Variants in CPE observed in about 807,000 individuals in gnomAD.
CPE encodes carbocypeptidase E.
CPE carries 17 observed loss-of-function variants against 53.5 expected under a neutral mutation model. The ratio of observed to expected loss-of-function variants is 0.32; its 90% CI spans 0.22 to 0.48. The LOEUF is 0.48. CPE is among the 20% of genes least tolerant of loss of function. CPE has a pLI of 0.99. For synonymous variants in CPE, 226 were observed against 228.8 expected, an observed-to-expected ratio of 0.99 and a Z score of 0.11; for missense variants, 524 against 614.7, an observed-to-expected ratio of 0.85 and a Z score of 1.56.
rs73003623 is a variant in CPE at position 165,396,750 on chromosome 4, C to G, written c.307+17222C>G. Among the ~76,000 whole-genome samples, 584 of 151,724 alleles carry G rather than the reference C, an allele frequency of 3.8e-3. 2 individuals carry two copies. Among genetic ancestry groups the G allele is most frequent in the African/African-American group, 0.013 (558 of 41,348 alleles). On this transcript the variant is annotated intron_variant, in intron 1 of 8. Transcript: ENST00000402744. ...TAATATTTAAGGTTAGAGAAGAAGGCTGAGTGTGGTGGCTCACTCCTGTAA... is the reference window on the plus strand; with the variant it reads ...TAATATTTAAGGTTAGAGAAGAAGGGTGAGTGTGGTGGCTCACTCCTGTAA...
At chr4:165,419,443 G>A (rs1488655257) in intron 1 of CPE, among the ~76,000 whole-genome samples, 2 of 152,078 alleles carry the variant, frequency 1.3e-5, no homozygotes, top group African/African-American at 4.8e-5. Flanking sequence ...TCATGTATCG[G>A]TGTATTTTTT....
At chr4:165,429,747 A>G (rs1731378618) in intron 1 of CPE, among the ~76,000 whole-genome samples, 1 of 152,076 alleles carries the variant, frequency 6.6e-6, no homozygotes, top group Non-Finnish European at 1.5e-5. Flanking sequence ...CAAACACTTC[A>G]AGTTTATAGG....
intron 1 of CPE, among the ~76,000 whole-genome samples, chr4:165,390,905 T>C (rs190335170): frequency 5.9e-5 from 9 of 152,312 alleles, no homozygotes; most frequent in Admixed American, 5.9e-4. Flanking sequence ...AACTATGTGA[T>C]ATTTTTAATA....
chr4:165,454,777 G>GAACTATCAA, intron 1 of CPE, among the ~76,000 whole-genome samples: 1 of 152,280 alleles, frequency 6.6e-6, no homozygotes, highest in East Asian at 1.9e-4. Flanking sequence ...TTGTTCCAGA[G>GAACTATCAA]AACTATCAAA....
At chr4:165,385,654 TC>T (rs1730579938) in intron 1 of CPE, among the ~76,000 whole-genome samples, 2 of 152,054 alleles carry the variant, frequency 1.3e-5, no homozygotes, top group Non-Finnish European at 2.9e-5. Context: ...TTGCTTTTCT[TC>T]AGTTTGACAT....
chr4:165,440,805 G>C (rs780004786), intron 1 of CPE, among the ~76,000 whole-genome samples: 1 of 152,046 alleles, frequency 6.6e-6, no homozygotes, highest in Non-Finnish European at 1.5e-5. Flanking sequence ...TAACTAATTA[G>C]CACTTGAAAA....
intron 1 of CPE, among the ~76,000 whole-genome samples, chr4:165,410,766 A>C (rs1731028784): frequency 6.6e-6 from 1 of 152,010 alleles, no homozygotes; most frequent in Non-Finnish European, 1.5e-5. Flanking sequence ...AATTAATTTT[A>C]TTTTCTTTTA....
chr4:165,452,805 A>C (rs1226559603), intron 1 of CPE, among the ~76,000 whole-genome samples: 3 of 152,032 alleles, frequency 2.0e-5, no homozygotes, highest in Non-Finnish European at 4.4e-5. Flanking sequence ...ATTCCTTCTC[A>C]ATCCTGCCCT....
chr4:165,397,525 G>A (rs1434763261), intron 1 of CPE, among the ~76,000 whole-genome samples: 3 of 152,162 alleles, frequency 2.0e-5, no homozygotes, highest in Non-Finnish European at 4.4e-5. Flanking sequence ...TTGGGGAAAT[G>A]TTCCTTCTTA....
chr4:165,385,409 T>C (rs960198015), intron 1 of CPE, among the ~76,000 whole-genome samples: 2 of 122,226 alleles, frequency 1.6e-5, no homozygotes, highest in African/African-American at 8.3e-5. Flanking sequence ...TTTTTCCCTC[T>C]TCTTACTGTT....
chr4:165,469,352 C>A (rs3775313), intron 3 of CPE, among the ~76,000 whole-genome samples: 6,096 of 152,202 alleles, frequency 0.04, 186 homozygotes, highest in East Asian at 0.14. Flanking sequence ...CGCAAAGTAC[C>A]ATTTCTCCAT....
intron 1 of CPE, among the ~76,000 whole-genome samples, chr4:165,415,994 G>A (rs1434387887): frequency 6.6e-6 from 1 of 152,074 alleles, no homozygotes; most frequent in African/African-American, 2.4e-5. Flanking sequence ...GGAATTAGAA[G>A]CTGGCCTTGG....
intron 3 of CPE, among the ~76,000 whole-genome samples, chr4:165,478,496 A>C (rs1001109227): frequency 6.6e-6 from 1 of 152,224 alleles, no homozygotes; most frequent in East Asian, 1.9e-4. Context: ...TTGTGTATTT[A>C]GGGCTGTATC....
intron 1 of CPE, among the ~76,000 whole-genome samples, chr4:165,382,464 G>T (rs192768508): frequency 1.5e-4 from 23 of 152,224 alleles, no homozygotes; most frequent in Middle Eastern, 3.4e-3. Flanking sequence ...GTGTTTACTT[G>T]ACTGAAATTT....
intron 1 of CPE, among the ~76,000 whole-genome samples, chr4:165,457,219 A>C (rs1022111659): frequency 6.6e-5 from 10 of 152,186 alleles, no homozygotes; most frequent in Admixed American, 4.6e-4. Flanking sequence ...TTTCATTTTC[A>C]GGAAATTTGT....
intron 1 of CPE, among the ~76,000 whole-genome samples, chr4:165,457,524 A>T (rs1043141339): frequency 6.6e-6 from 1 of 152,236 alleles, no homozygotes; most frequent in African/African-American, 2.4e-5. Context: ...TTAGAATCTT[A>T]GTAGAGATAT....
Position 165,387,869 on chromosome 4 carries a change from G to A in CPE, c.307+8341G>A, listed in dbSNP as rs191560133. On this transcript the variant is annotated intron_variant, in intron 1 of 8. Transcript: ENST00000402744. ...ACTTCTGACCTCAGGGGATCTGCCC[G>A]CCTCGGTCTCCCAAAGTGCTGGGAT... is the stretch of plus-strand genomic sequence containing the variant. Among the ~76,000 whole-genome samples the A allele has an allele frequency of 1.2e-3, 186 of 152,202 alleles. 1 individual carries two copies. The highest frequency in any genetic ancestry group is 2.0e-3 in the Non-Finnish European group (136 of 68,010).
At chr4:165,389,618 G>A (rs1335153319) in intron 1 of CPE, among the ~76,000 whole-genome samples, 1 of 152,170 alleles carries the variant, frequency 6.6e-6, no homozygotes, top group South Asian at 2.1e-4. Context: ...AACAGTCCTT[G>A]AGAACTAATT....
At chr4:165,475,474 A>G (rs1485631100) in intron 3 of CPE, among the ~76,000 whole-genome samples, 1 of 152,238 alleles carries the variant, frequency 6.6e-6, no homozygotes, top group Admixed American at 6.5e-5. Flanking sequence ...CAAATGCAGC[A>G]AGAGCCATGG....
Sources: gnomAD v4.1 joint callset for allele counts (sites outside exome capture counted in the v4.1 genomes callset) on GRCh38, gnomAD v4.1.1 for gene constraint, MANE v1.5 for transcripts, NCBI Gene and HGNC (gene_info 2026-07-23, HGNC 2026-07-21) for gene names.